The following LRMDA variants were observed in gnomAD, a reference collection of about 807,000 sequenced individuals.
LRMDA encodes leucine-rich melanocyte differentiation-associated protein.
A neutral mutation model predicts 29.8 loss-of-function variants in LRMDA; 18 were observed. The ratio of observed to expected loss-of-function variants is 0.60; its 90% CI spans 0.42 to 0.90. The LOEUF (loss-of-function observed/expected upper bound fraction) is 0.90. Ranked by LOEUF, LRMDA falls within the 40% of genes least tolerant of loss-of-function variation. LRMDA has a pLI of 0.00. For synonymous variants in LRMDA, 125 were observed against 109.4 expected (o/e 1.14, Z -0.89); for missense variants, 273 against 273.9 (o/e 1.00, Z 0.02).
chr10:76,026,801 T>C (rs575859749), intron 2 of LRMDA, among the ~76,000 whole-genome samples: 1 of 152,302 alleles, frequency 6.6e-6, no homozygotes, highest in East Asian at 1.9e-4. Context: ...ATAACCATAG[T>C]ATCTGGATAG....
At position 76,514,570 on chromosome 10, in the gene LRMDA, T is replaced by A. The variant is rs1843040923; in HGVS notation, c.602-42639T>A. ...GAAGGAGCAAAAGCCTTTGGTTTTTTATTGTGCTTAGGGAGTAGTGTTGGG... is the reference window on the plus strand; with the variant it reads ...GAAGGAGCAAAAGCCTTTGGTTTTTAATTGTGCTTAGGGAGTAGTGTTGGG... On this transcript the variant is annotated intron_variant, in intron 6 of 6. Coordinates refer to ENST00000611255, the MANE Select transcript of LRMDA (RefSeq NM_001305581.2). 1.3e-5 allele frequency among the ~76,000 whole-genome samples: 2 copies of A among 152,164 alleles called. 1 individual carries two copies. The highest frequency in any genetic ancestry group is 4.1e-4 in the South Asian group (2 of 4,832).
intron 2 of LRMDA, among the ~76,000 whole-genome samples, chr10:75,678,921 A>G (rs558470390): frequency 1.2e-4 from 18 of 152,276 alleles, no homozygotes; most frequent in Admixed American, 1.2e-3. Flanking sequence ...TGGAAATTAA[A>G]CGGGCAGGAC....
In LRMDA at chr10:76,284,272, C is replaced by A. The variant is rs150424643; in HGVS notation, c.517-40129C>A. Among the ~76,000 whole-genome samples, 566 of 152,188 alleles carry A rather than the reference C, an allele frequency of 3.7e-3. 5 individuals carry two copies. The highest frequency in any genetic ancestry group is 0.01 in the Middle Eastern group (3 of 294). ...CCAGGTGGGCCTGAGGTAAGCACAA[C>A]GGTTCCGAAGAGGACTCAGGGAAGT... On this transcript the variant is annotated intron_variant, in intron 5 of 6. Transcript: ENST00000611255.
At chr10:75,762,661 C>G (rs975011902) in intron 2 of LRMDA, among the ~76,000 whole-genome samples, 1 of 152,150 alleles carries the variant, frequency 6.6e-6, no homozygotes, top group Non-Finnish European at 1.5e-5. Context: ...GTTTCCTTAT[C>G]TGTAAAATGG....
chr10:76,058,602 G>A, intron 4 of LRMDA, 64 bp from the exon 5 acceptor site: 1 of 1,313,230 alleles, frequency 7.6e-7, no homozygotes, highest in Non-Finnish European at 1.1e-6. Context: ...GATCAGACAA[G>A]CTGTCGGGAT....
intron 5 of LRMDA, among the ~76,000 whole-genome samples, chr10:76,289,007 CA>C (rs1396152336): frequency 6.6e-6 from 1 of 152,132 alleles, no homozygotes; most frequent in Non-Finnish European, 1.5e-5. Context: ...GTTCATTCCA[CA>C]AGGGTTTATT....
intron 2 of LRMDA, among the ~76,000 whole-genome samples, chr10:75,501,082 T>C (rs988397010): frequency 5.3e-5 from 8 of 152,248 alleles, no homozygotes; most frequent in African/African-American, 1.9e-4. Flanking sequence ...GGAATGCAAG[T>C]CTAGGCTTTA....
chr10:76,343,111 G>C (rs1192198239), intron 6 of LRMDA, among the ~76,000 whole-genome samples: 1 of 152,224 alleles, frequency 6.6e-6, no homozygotes, highest in Non-Finnish European at 1.5e-5. Context: ...CAGATAGGCT[G>C]TTGTGAGTCA....
At chr10:76,540,555 C>T (rs1389472053) in intron 6 of LRMDA, among the ~76,000 whole-genome samples, 1 of 152,184 alleles carries the variant, frequency 6.6e-6, no homozygotes, top group Non-Finnish European at 1.5e-5. Context: ...CAACCCACCC[C>T]ATCGTCGGTG....
intron 6 of LRMDA, among the ~76,000 whole-genome samples, chr10:76,555,882 ATGAC>A (rs2132400331): frequency 6.6e-6 from 1 of 151,850 alleles, no homozygotes; most frequent in South Asian, 2.1e-4. Flanking sequence ...TGGCTATTGA[ATGAC>A]TGTCTTATGG....
intron 5 of LRMDA, among the ~76,000 whole-genome samples, chr10:76,196,475 G>A (rs1443812784): frequency 6.6e-6 from 1 of 152,184 alleles, no homozygotes; most frequent in Non-Finnish European, 1.5e-5. Context: ...CTGCCACGTG[G>A]CAGGAAAAGA....
chr10:76,483,534 G>A (rs956313789), intron 6 of LRMDA, among the ~76,000 whole-genome samples: 1 of 151,804 alleles, frequency 6.6e-6, no homozygotes, highest in African/African-American at 2.4e-5. Context: ...GATCTCCGGG[G>A]CTCCAGTGTA....
intron 6 of LRMDA, among the ~76,000 whole-genome samples, chr10:76,345,701 T>G (rs937439642): frequency 1.3e-5 from 2 of 151,996 alleles, no homozygotes; most frequent in Non-Finnish European, 1.5e-5. Flanking sequence ...TGCATTTACT[T>G]TAAAGCTTTG....
At chr10:75,933,422 T>C (rs1340145927) in intron 2 of LRMDA, among the ~76,000 whole-genome samples, 1 of 152,242 alleles carries the variant, frequency 6.6e-6, no homozygotes, top group East Asian at 1.9e-4. Context: ...ACATTTCAGA[T>C]ACAGTTATGG....
At chr10:76,507,238 A>G (rs1842968317) in intron 6 of LRMDA, among the ~76,000 whole-genome samples, 1 of 147,560 alleles carries the variant, frequency 6.8e-6, no homozygotes, top group Non-Finnish European at 1.5e-5. Flanking sequence ...GGCCATTTGT[A>G]TGTCTTCTTT....
Position 76,042,960 on chromosome 10 carries a change from G to A in LRMDA, c.259-4204G>A, listed in dbSNP as rs113244883. Among the ~76,000 whole-genome samples, 505 of 152,022 alleles carry A rather than the reference G, an allele frequency of 3.3e-3. 3 individuals are homozygous for A. The highest frequency in any genetic ancestry group is 0.011 in the African/African-American group (469 of 41,426). ...TATAAGATTTCAGGACATTTTGGCCGGGCACAGTGGCTCACACCTGTAATC... is the reference window on the plus strand; with the variant it reads ...TATAAGATTTCAGGACATTTTGGCCAGGCACAGTGGCTCACACCTGTAATC... On this transcript the variant is annotated intron_variant, in intron 3 of 6. Coordinates refer to ENST00000611255, the MANE Select transcript of LRMDA (RefSeq NM_001305581.2).
intron 5 of LRMDA, among the ~76,000 whole-genome samples, chr10:76,244,474 GTT>G (rs952128691): frequency 3.3e-5 from 5 of 152,172 alleles, no homozygotes; most frequent in Admixed American, 3.3e-4. Flanking sequence ...TACAGCTGGT[GTT>G]TTTGCGGCAG....
At chr10:75,594,259 G>C (rs1035489485) in intron 2 of LRMDA, among the ~76,000 whole-genome samples, 7 of 152,194 alleles carry the variant, frequency 4.6e-5, no homozygotes, top group African/African-American at 1.7e-4. Flanking sequence ...CAGAGGCCTA[G>C]CATTTGCTCA....
chr10:75,648,443 CT>C lies in LRMDA; in HGVS notation c.131+209950del, dbSNP rs1416134812. ...TTTTCCTGTGTCCTATTTCGACTTT[CT>C]AAGTAGAGACTGTGCAGGGGGCTCT... On this transcript the variant is annotated intron_variant, in intron 2 of 6. Coordinates refer to ENST00000611255, the MANE Select transcript of LRMDA (RefSeq NM_001305581.2). 2.6e-5 allele frequency among the ~76,000 whole-genome samples: 4 copies of C among 152,260 alleles called. No homozygotes were observed. In the East Asian group the frequency reaches 7.7e-4, roughly 29 times the overall value.
Sources: allele counts gnomAD v4.1 joint callset (sites outside exome capture counted in the v4.1 genomes callset), GRCh38; gene constraint gnomAD v4.1.1; transcripts MANE v1.5; gene names NCBI Gene and HGNC (gene_info 2026-07-23, HGNC 2026-07-21).